MAOA: variants seen among roughly 807,000 people sequenced by gnomAD.
MAOA encodes the protein monoamine oxidase A.
In MAOA, 6 loss-of-function variants were observed where a neutral mutation model predicts 42.0. The ratio of observed to expected loss-of-function variants is 0.14; its 90% CI spans 0.08 to 0.28. The LOEUF is 0.28. Ranked by LOEUF, MAOA falls within the 10% of genes least tolerant of loss-of-function variation. The probability of loss-of-function intolerance (pLI) is 1.00; values close to 1 mark genes in which losing one functional copy is unlikely to be tolerated. For synonymous variants in MAOA, 140 were observed against 154.0 expected, an observed-to-expected ratio of 0.91 and a Z score of 0.67; for missense variants, 262 against 422.3, an observed-to-expected ratio of 0.62 and a Z score of 3.33.
intron 5 of MAOA, among the ~76,000 whole-genome samples, chrX:43,717,304 T>C (rs1047206656): frequency 2.0e-4 from 22 of 111,328 alleles, no homozygotes; most frequent in Middle Eastern, 4.7e-3. Flanking sequence ...CATGTCAGGA[T>C]GGTATCTTCC....
At chrX:43,685,424 A>G (rs895897249) in intron 2 of MAOA, among the ~76,000 whole-genome samples, 6 of 111,984 alleles carry the variant, frequency 5.4e-5, no homozygotes, top group African/African-American at 2.0e-4. Flanking sequence ...TAAGTATTTC[A>G]CAATACTAGG....
Position 43,743,813 on chromosome X carries a change from G to A in MAOA, c.1282G>A (p.Gly428Ser). 8.5e-7 allele frequency: 1 copy of A among 1,170,340 alleles called. No individual in the cohort carries two copies. The highest frequency in any genetic ancestry group is 1.1e-6 in the Non-Finnish European group (1 of 874,228). The change falls in exon 13 of 15, where the codon GGC (glycine) becomes AGC (serine). Residue 428 changes from glycine (G) to serine (S), a missense_variant. Coordinates refer to ENST00000338702, the MANE Select transcript of MAOA (RefSeq NM_000240.4). ...QYGRVIRQPVGRIFFAGTETA... is the reference protein window; with the variant it reads ...QYGRVIRQPVSRIFFAGTETA... ...TTGAAGGGTGATTCGTCAACCCGTG[G>A]GCAGGATTTTCTTTGCGGGCACAGA...
chrX:43,668,875 G>A (rs1307422807), intron 1 of MAOA, among the ~76,000 whole-genome samples: 2 of 111,677 alleles, frequency 1.8e-5, no homozygotes, highest in Non-Finnish European at 3.8e-5. Context: ...TTTTAATTGA[G>A]ATTTCATTAC....
intron 2 of MAOA, among the ~76,000 whole-genome samples, chrX:43,689,759 C>A (rs2033517944): frequency 9.0e-6 from 1 of 111,532 alleles, no homozygotes; most frequent in African/African-American, 3.3e-5. Flanking sequence ...TTATTTGTAA[C>A]CATTTTCATT....
At chrX:43,685,771 G>C (rs1429745748) in intron 2 of MAOA, among the ~76,000 whole-genome samples, 1 of 111,456 alleles carries the variant, frequency 9.0e-6, no homozygotes, top group Non-Finnish European at 1.9e-5. Flanking sequence ...CATCTCCAGG[G>C]GACACTATAG....
At chrX:43,696,000 C>T (rs765444375) in intron 3 of MAOA, among the ~76,000 whole-genome samples, 1 of 111,894 alleles carries the variant, frequency 8.9e-6, no homozygotes, top group East Asian at 2.8e-4. Context: ...CTGAAATTTT[C>T]TGGGCTTTAC....
intron 3 of MAOA, among the ~76,000 whole-genome samples, chrX:43,698,329 C>A (rs1393164777): frequency 1.8e-5 from 2 of 111,775 alleles, no homozygotes; most frequent in African/African-American, 6.5e-5. Flanking sequence ...GTTTACAGTG[C>A]AAGTTTTAGC....
At chrX:43,715,452 G>A (rs1391500493) in intron 5 of MAOA, among the ~76,000 whole-genome samples, 1 of 110,794 alleles carries the variant, frequency 9.0e-6, no homozygotes, top group African/African-American at 3.3e-5. Context: ...AACCCAAAGG[G>A]TCAGGGGTGA....
intron 3 of MAOA, among the ~76,000 whole-genome samples, chrX:43,709,835 C>T (rs923456076): frequency 8.9e-6 from 1 of 111,923 alleles, no homozygotes; most frequent in African/African-American, 3.2e-5. Context: ...CAGTGGTCGT[C>T]TTCCACCCCT....
At chrX:43,744,001 T>C in intron 13 of MAOA, 96 bp downstream of exon 13, 1 of 1,183,860 alleles carries the variant, frequency 8.4e-7, no homozygotes. Flanking sequence ...AATCTGTATG[T>C]CCATTTCTCT....
rs371939140 is a variant in MAOA, at chrX:43,708,662, G to T, written c.307-3210G>T. Among the ~76,000 whole-genome samples, 623 of 96,078 alleles carry T rather than the reference G, an allele frequency of 6.5e-3. 4 individuals are homozygous for T. The highest frequency in any genetic ancestry group is 9.9e-3 in the Non-Finnish European group (477 of 48,005). The allele number at this position is 96,078 out of a possible 115,157, so 83.4% of individuals were successfully genotyped here. Reference sequence around the variant, plus strand: ...TATGGGCCTTTATGGTCTTCTTGTTGTTTTTTTTTTTTTTTCTTTTGAGAC... The same window carrying T: ...TATGGGCCTTTATGGTCTTCTTGTTTTTTTTTTTTTTTTTTCTTTTGAGAC... On this transcript the variant is annotated intron_variant, in intron 3 of 14. Coordinates refer to ENST00000338702, the MANE Select transcript of MAOA (RefSeq NM_000240.4).
chrX:43,698,453 G>A lies in MAOA; in HGVS notation c.306+5025G>A, dbSNP rs546502735. 1.5e-4 allele frequency among the ~76,000 whole-genome samples: 17 copies of A among 111,644 alleles called. 1 individual carries two copies. In the South Asian group the frequency reaches 4.1e-3, roughly 27 times the overall value. On this transcript the variant is annotated intron_variant, in intron 3 of 14. Coordinates refer to ENST00000338702, the MANE Select transcript of MAOA (RefSeq NM_000240.4). ...TTCTGAGACTATGCCTATCTACTAC[G>A]TTCATAGAGGATTCACATCGATATG...
intron 1 of MAOA, among the ~76,000 whole-genome samples, chrX:43,676,173 T>C (rs1421237500): frequency 8.9e-6 from 1 of 111,987 alleles, no homozygotes; most frequent in Non-Finnish European, 1.9e-5. Context: ...CCAACCTCAC[T>C]GCCACCTTGC....
chrX:43,677,790 C>A (rs1228910112), intron 1 of MAOA, among the ~76,000 whole-genome samples: 4 of 111,735 alleles, frequency 3.6e-5, no homozygotes, highest in Non-Finnish European at 7.5e-5. Context: ...TCTCTACTCT[C>A]ATAGAAAACC....
intron 2 of MAOA, among the ~76,000 whole-genome samples, chrX:43,692,039 GC>G (rs2033539689): frequency 9.1e-5 from 1 of 10,970 alleles, no homozygotes; most frequent in Admixed American, 1.3e-3. Context: ...ACACACACAC[GC>G]ACGCACACAT....
intron 2 of MAOA, among the ~76,000 whole-genome samples, chrX:43,685,909 G>C (rs1296401529): frequency 8.9e-6 from 1 of 111,928 alleles, no homozygotes; most frequent in Non-Finnish European, 1.9e-5. Flanking sequence ...AGGAGACTGG[G>C]ATTCTAGCCT....
rs1297777035 is a variant in MAOA, at chrX:43,692,665, T to C, written c.169-626T>C. 8.1e-5 allele frequency among the ~76,000 whole-genome samples: 9 copies of C among 110,566 alleles called. No homozygotes were observed. The Admixed American group carries it at 8.6e-4, about 11-fold the overall frequency. On this transcript the variant is annotated intron_variant, in intron 2 of 14. Coordinates refer to ENST00000338702, the MANE Select transcript of MAOA (RefSeq NM_000240.4). Reference sequence around the variant, plus strand: ...GTTGCAGCTCACCAATATTCAATTATTGATTAAATCATTGGAACTTTCCAA... The same window carrying C: ...GTTGCAGCTCACCAATATTCAATTACTGATTAAATCATTGGAACTTTCCAA...
intron 4 of MAOA, among the ~76,000 whole-genome samples, chrX:43,712,437 G>A (rs2033706522): frequency 9.0e-6 from 1 of 111,568 alleles, no homozygotes; most frequent in Non-Finnish European, 1.9e-5. Flanking sequence ...CAATGATGAT[G>A]ATAATTGTCA....
intron 1 of MAOA, among the ~76,000 whole-genome samples, chrX:43,682,125 C>G (rs763738076): frequency 6.3e-5 from 7 of 111,207 alleles, no homozygotes; most frequent in Non-Finnish European, 1.3e-4. Context: ...TCGTGATCCA[C>G]CTGCCTTGGC....
Sources: gnomAD v4.1 joint callset for allele counts (sites outside exome capture counted in the v4.1 genomes callset) on GRCh38, gnomAD v4.1.1 for gene constraint, MANE v1.5 for transcripts, NCBI Gene and HGNC (gene_info 2026-07-23, HGNC 2026-07-21) for gene names.